FRMPD4: variants seen among roughly 807,000 people sequenced by gnomAD.
FRMPD4 encodes FERM and PDZ domain containing 4, also known as FERM and PDZ domain-containing protein 4.
A neutral mutation model predicts 94.1 loss-of-function variants in FRMPD4; 22 were observed. The observed-to-expected ratio is 0.23, with a 90% CI of 0.17 to 0.33. The LOEUF (loss-of-function observed/expected upper bound fraction) is 0.33, where lower values mean the gene tolerates loss of function less well. FRMPD4 is among the 10% of genes least tolerant of loss of function. FRMPD4 has a pLI of 1.00. For missense variants in FRMPD4, 1,111 were observed against 1,339.9 expected (o/e 0.83, Z 2.67); for synonymous variants, 631 against 548.6 (o/e 1.15, Z -2.10).
chrX:12,258,383 T>G (rs1487965866), intron 1 of FRMPD4, among the ~76,000 whole-genome samples: 1 of 110,973 alleles, frequency 9.0e-6, no homozygotes, highest in Non-Finnish European at 1.9e-5. Context: ...CGCCCCCACT[T>G]CCCTGTCTTG....
chrX:12,714,663 C>G lies in FRMPD4; in HGVS notation c.1610-1406C>G, dbSNP rs180968392. Among the ~76,000 whole-genome samples, 176 of 111,234 alleles carry G rather than the reference C, an allele frequency of 1.6e-3. 1 individual carries two copies. Among genetic ancestry groups the G allele is most frequent in the Admixed American group, 3.4e-3 (36 of 10,476 alleles). ...ACCAAAATATTTACTATCTGGGCCT[C>G]CCTTTACAGAAAATGTTTGCCAAGC... On this transcript the variant is annotated intron_variant, in intron 14 of 16. Coordinates refer to ENST00000675598, the MANE Select transcript of FRMPD4 (RefSeq NM_001368397.1).
At chrX:12,329,700 T>G (rs1400290192) in intron 1 of FRMPD4, among the ~76,000 whole-genome samples, 1 of 109,816 alleles carries the variant, frequency 9.1e-6, no homozygotes, top group African/African-American at 3.3e-5. Flanking sequence ...TCAGGATCTG[T>G]GTGCCCAATC....
intron 1 of FRMPD4, among the ~76,000 whole-genome samples, chrX:12,249,148 T>G (rs2053997570): frequency 8.8e-6 from 1 of 113,059 alleles, no homozygotes; most frequent in African/African-American, 3.2e-5. Flanking sequence ...TTTTGATGAC[T>G]GCATATGCTC....
intron 1 of FRMPD4, among the ~76,000 whole-genome samples, chrX:12,197,749 G>T (rs913503887): frequency 1.8e-5 from 2 of 111,894 alleles, no homozygotes; most frequent in Non-Finnish European, 3.8e-5. Context: ...TTAACAATTT[G>T]TAAATCTAGC....
At chrX:12,076,264 T>C (rs2055014266) in intron 3 of FRMPD4, among the ~76,000 whole-genome samples, 1 of 110,172 alleles carries the variant, frequency 9.1e-6, no homozygotes. Flanking sequence ...AATGGCAAGT[T>C]AGTAGTCCTT....
intron 1 of FRMPD4, among the ~76,000 whole-genome samples, chrX:12,414,780 T>C (rs952387590): frequency 8.9e-6 from 1 of 111,966 alleles, no homozygotes; most frequent in African/African-American, 3.3e-5. Context: ...GGTGGTGCTT[T>C]ACATATCACT....
At chrX:12,319,763 T>TA (rs1437403151) in intron 1 of FRMPD4, among the ~76,000 whole-genome samples, 1 of 112,086 alleles carries the variant, frequency 8.9e-6, no homozygotes, top group African/African-American at 3.2e-5. Flanking sequence ...TAGATGAATG[T>TA]AAAACCCAAG....
chrX:11,970,703 T>C (rs1458522902), intron 3 of FRMPD4, among the ~76,000 whole-genome samples: 1 of 111,799 alleles, frequency 8.9e-6, no homozygotes, highest in Non-Finnish European at 1.9e-5. Flanking sequence ...TGTGAAATGA[T>C]TTTTTCCCCC....
intron 8 of FRMPD4, among the ~76,000 whole-genome samples, chrX:12,691,604 G>C: frequency 8.9e-6 from 1 of 112,049 alleles, no homozygotes; most frequent in Non-Finnish European, 1.9e-5. Context: ...TGAAAGGTCA[G>C]TGTCTGGATC....
At chrX:12,366,971 T>C (rs2056092337) in intron 1 of FRMPD4, among the ~76,000 whole-genome samples, 1 of 110,860 alleles carries the variant, frequency 9.0e-6, no homozygotes, top group Non-Finnish European at 1.9e-5. Flanking sequence ...CCTGCGGTGA[T>C]GGCCAGGGCA....
chrX:12,130,562 A>G (rs1425497750), intron 3 of FRMPD4, among the ~76,000 whole-genome samples: 2 of 111,484 alleles, frequency 1.8e-5, no homozygotes, highest in Non-Finnish European at 3.8e-5. Context: ...TGTATGGTAG[A>G]TGTTCAATAA....
intron 1 of FRMPD4, among the ~76,000 whole-genome samples, chrX:12,457,344 C>T (rs1189414562): frequency 9.0e-6 from 1 of 111,352 alleles, no homozygotes; most frequent in East Asian, 2.8e-4. Context: ...CAGTGGTCCT[C>T]ATGTTTCTCA....
At chrX:12,037,962 T>C (rs1193558847) in intron 3 of FRMPD4, among the ~76,000 whole-genome samples, 1 of 112,250 alleles carries the variant, frequency 8.9e-6, no homozygotes, top group African/African-American at 3.2e-5. Flanking sequence ...TATCAGTAAT[T>C]TGTTCCTTTT....
At chrX:12,229,849 C>A (rs1215517585) in intron 1 of FRMPD4, among the ~76,000 whole-genome samples, 1 of 112,345 alleles carries the variant, frequency 8.9e-6, no homozygotes, top group Non-Finnish European at 1.9e-5. Context: ...TAATCCTCAG[C>A]ATCTGCCCTA....
At chrX:12,445,939 T>A (rs997490532) in intron 1 of FRMPD4, among the ~76,000 whole-genome samples, 13 of 112,703 alleles carry the variant, frequency 1.2e-4, no homozygotes, top group African/African-American at 4.2e-4. Flanking sequence ...AGGTCTCACA[T>A]GTTCTTGTGT....
intron 3 of FRMPD4, among the ~76,000 whole-genome samples, chrX:11,967,751 TGTGTG>T (rs376472260): frequency 5.0e-5 from 4 of 79,875 alleles, no homozygotes; most frequent in Admixed American, 1.6e-4. Flanking sequence ...TGTGTGTGTG[TGTGTG>T]TTTTTTTTTT....
intron 1 of FRMPD4, among the ~76,000 whole-genome samples, chrX:12,414,678 G>C (rs761013248): frequency 5.4e-5 from 6 of 111,786 alleles, no homozygotes; most frequent in African/African-American, 1.9e-4. Flanking sequence ...GGATTTTAGA[G>C]AAGAGGGAGC....
chrX:12,244,292 G>A (rs1281551673), intron 1 of FRMPD4, among the ~76,000 whole-genome samples: 2 of 111,028 alleles, frequency 1.8e-5, no homozygotes, highest in Non-Finnish European at 3.8e-5. Context: ...CCTCTAGTTG[G>A]GATGAAGTTA....
At chrX:12,555,898 AT>A (rs767893895) in intron 2 of FRMPD4, among the ~76,000 whole-genome samples, 2 of 111,606 alleles carry the variant, frequency 1.8e-5, no homozygotes, top group Admixed American at 1.9e-4. Flanking sequence ...TAAACATGCC[AT>A]TTTTTTCTTT....
Sources: allele counts gnomAD v4.1 joint callset (sites outside exome capture counted in the v4.1 genomes callset), GRCh38; gene constraint gnomAD v4.1.1; transcripts MANE v1.5; gene names NCBI Gene and HGNC (gene_info 2026-07-23, HGNC 2026-07-21).